KCND2: variants seen among roughly 807,000 people sequenced by gnomAD.
KCND2 encodes A-type voltage-gated potassium channel KCND2.
A neutral mutation model predicts 54.4 loss-of-function variants in KCND2; 16 were observed. The observed-to-expected ratio is 0.29, with a 90% CI of 0.20 to 0.45. KCND2 has a LOEUF of 0.45. Ranked by LOEUF, KCND2 falls within the 20% of genes least tolerant of loss-of-function variation. The probability of loss-of-function intolerance (pLI) is 1.00; values close to 1 mark genes in which losing one functional copy is unlikely to be tolerated. For synonymous variants in KCND2, 317 were observed against 310.7 expected, an observed-to-expected ratio of 1.02 and a Z score of -0.21; for missense variants, 486 against 824.2, an observed-to-expected ratio of 0.59 and a Z score of 5.02.
At chr7:120,566,497 C>G (rs1209103594) in intron 1 of KCND2, among the ~76,000 whole-genome samples, 1 of 152,068 alleles carries the variant, frequency 6.6e-6, no homozygotes, top group Non-Finnish European at 1.5e-5. Context: ...CACATGCCAC[C>G]ACACCTAGCT....
chr7:120,605,683 C>G (rs902096457), intron 1 of KCND2, among the ~76,000 whole-genome samples: 13 of 152,184 alleles, frequency 8.5e-5, no homozygotes, highest in Admixed American at 5.9e-4. Context: ...ACAATTCTAC[C>G]AGCAATGTGT....
intron 1 of KCND2, among the ~76,000 whole-genome samples, chr7:120,327,765 T>G (rs951685767): frequency 1.3e-5 from 2 of 152,060 alleles, no homozygotes; most frequent in African/African-American, 2.4e-5. Flanking sequence ...TTTTTTTTTT[T>G]AGAAAGTTTT....
intron 1 of KCND2, among the ~76,000 whole-genome samples, chr7:120,504,244 A>C (rs1562857573): frequency 2.0e-5 from 3 of 152,014 alleles, no homozygotes; most frequent in Admixed American, 1.3e-4. Flanking sequence ...GTCTCTTAAA[A>C]TAATTCTTTA....
chr7:120,658,039 A>G (rs1791823725), intron 1 of KCND2, among the ~76,000 whole-genome samples: 1 of 152,224 alleles, frequency 6.6e-6, no homozygotes, highest in Non-Finnish European at 1.5e-5. Context: ...AGAAGCTAAT[A>G]AATTTAGCTT....
At chr7:120,564,616 A>C (rs1316828695) in intron 1 of KCND2, among the ~76,000 whole-genome samples, 1 of 152,170 alleles carries the variant, frequency 6.6e-6, no homozygotes, top group East Asian at 1.9e-4. Flanking sequence ...TTACCAAAAA[A>C]AGTATATAAA....
chr7:120,540,329 T>C (rs1328127160), intron 1 of KCND2, among the ~76,000 whole-genome samples: 2 of 152,240 alleles, frequency 1.3e-5, no homozygotes, highest in African/African-American at 4.8e-5. Context: ...TCCACGATTT[T>C]CCCTGTTTTG....
intron 1 of KCND2, among the ~76,000 whole-genome samples, chr7:120,578,392 C>T (rs534593203): frequency 1.8e-4 from 28 of 152,304 alleles, no homozygotes; most frequent in Non-Finnish European, 3.7e-4. Context: ...TCATTTTATA[C>T]TGCCTTTAAA....
At chr7:120,424,070 T>C (rs1451192835) in intron 1 of KCND2, among the ~76,000 whole-genome samples, 1 of 152,214 alleles carries the variant, frequency 6.6e-6, no homozygotes, top group East Asian at 1.9e-4. Context: ...TACTTTGTAA[T>C]TTTCTCTAAA....
chr7:120,566,594 C>T (rs1792300709), intron 1 of KCND2, among the ~76,000 whole-genome samples: 1 of 152,114 alleles, frequency 6.6e-6, no homozygotes, highest in Non-Finnish European at 1.5e-5. Context: ...AATCCTGCCT[C>T]CTTGGCCTCC....
intron 1 of KCND2, among the ~76,000 whole-genome samples, chr7:120,675,170 C>T (rs1044261687): frequency 2.6e-5 from 4 of 152,044 alleles, no homozygotes; most frequent in Non-Finnish European, 4.4e-5. Context: ...CATACTACTG[C>T]GGCTTGCTAA....
chr7:120,353,669 A>G (rs1360396692), intron 1 of KCND2, among the ~76,000 whole-genome samples: 1 of 152,158 alleles, frequency 6.6e-6, no homozygotes, highest in Non-Finnish European at 1.5e-5. Context: ...TCTATAGCTC[A>G]AGAAAGGGCA....
chr7:120,531,182 A>C (rs1791838498), intron 1 of KCND2, among the ~76,000 whole-genome samples: 1 of 151,972 alleles, frequency 6.6e-6, no homozygotes, highest in South Asian at 2.1e-4. Context: ...TGAAGCAACT[A>C]CTTCATACCT....
At chr7:120,284,980 A>G (rs1458317853) in intron 1 of KCND2, among the ~76,000 whole-genome samples, 1 of 152,178 alleles carries the variant, frequency 6.6e-6, no homozygotes, top group East Asian at 1.9e-4. Context: ...ATTTTTAATG[A>G]GAGACTGAAC....
At chr7:120,560,680 A>G (rs1439436422) in intron 1 of KCND2, among the ~76,000 whole-genome samples, 1 of 152,158 alleles carries the variant, frequency 6.6e-6, no homozygotes, top group Non-Finnish European at 1.5e-5. Context: ...GGCCTGTCTC[A>G]TCGAATGAAG....
chr7:120,404,768 G>T (rs935248020), intron 1 of KCND2, among the ~76,000 whole-genome samples: 9 of 66,144 alleles, frequency 1.4e-4, no homozygotes, highest in African/African-American at 3.7e-4. Flanking sequence ...CTGATTTTTG[G>T]GGGGGGACCT....
At chr7:120,279,685 C>T (rs1467528793) in intron 1 of KCND2, among the ~76,000 whole-genome samples, 1 of 151,768 alleles carries the variant, frequency 6.6e-6, no homozygotes, top group Admixed American at 6.6e-5. Flanking sequence ...TGGTGAATTA[C>T]TATTTTAAGG....
chr7:120,339,687 G>A lies in KCND2; in HGVS notation c.1115+63940G>A, dbSNP rs558792683. Among the ~76,000 whole-genome samples the A allele has an allele frequency of 1.3e-4, 20 of 152,198 alleles. No individual in the cohort carries two copies. The East Asian group carries it at 1.9e-3, about 15-fold the overall frequency. ...ACATTAGGGAAACCCACACACGTGC[G>A]CACATAGACATGTGCACACACACAC... On this transcript the variant is annotated intron_variant, in intron 1 of 5. Coordinates refer to ENST00000331113, the MANE Select transcript of KCND2 (RefSeq NM_012281.3).
At chr7:120,666,147 A>G (rs1180029912) in intron 1 of KCND2, among the ~76,000 whole-genome samples, 1 of 152,082 alleles carries the variant, frequency 6.6e-6, no homozygotes, top group African/African-American at 2.4e-5. Flanking sequence ...ATATCATGAA[A>G]TATTTTACAT....
chr7:120,286,675 G>A (rs1014539768), intron 1 of KCND2, among the ~76,000 whole-genome samples: 2 of 151,936 alleles, frequency 1.3e-5, no homozygotes, highest in African/African-American at 4.8e-5. Flanking sequence ...TTAGAAATTG[G>A]AATTTTGAGT....
Sources: gnomAD v4.1 joint callset for allele counts (sites outside exome capture counted in the v4.1 genomes callset) on GRCh38, gnomAD v4.1.1 for gene constraint, MANE v1.5 for transcripts, NCBI Gene and HGNC (gene_info 2026-07-23, HGNC 2026-07-21) for gene names.